CAMTA1: variants seen among roughly 807,000 people sequenced by gnomAD.
CAMTA1 encodes the protein calmodulin-binding transcription activator 1.
In CAMTA1, 27 loss-of-function variants were observed where a neutral mutation model predicts 170.9. The observed-to-expected ratio is 0.16, with a 90% CI of 0.12 to 0.22. The LOEUF is 0.22. Among genes scored for constraint, CAMTA1 ranks in the 10% least tolerant of loss-of-function variants. The probability of loss-of-function intolerance (pLI) is 1.00; values close to 1 mark genes in which losing one functional copy is unlikely to be tolerated. For missense variants in CAMTA1, 1,619 were observed against 2,217.2 expected, an observed-to-expected ratio of 0.73 and a Z score of 5.42; for synonymous variants, 833 against 891.5, an observed-to-expected ratio of 0.93 and a Z score of 1.17.
At chr1:7,183,910 T>G (rs1383392615) in intron 4 of CAMTA1, among the ~76,000 whole-genome samples, 1 of 152,220 alleles carries the variant, frequency 6.6e-6, no homozygotes, top group African/African-American at 2.4e-5. Context: ...ACATCTTTAT[T>G]ATGCCACTGT....
chr1:7,218,379 A>C (rs902683251), intron 4 of CAMTA1, among the ~76,000 whole-genome samples: 1 of 152,100 alleles, frequency 6.6e-6, no homozygotes, highest in African/African-American at 2.4e-5. Context: ...GACCACTTAC[A>C]TCGCCACATT....
chr1:7,343,986 G>A (rs1329211479), intron 5 of CAMTA1, among the ~76,000 whole-genome samples: 1 of 152,224 alleles, frequency 6.6e-6, no homozygotes, highest in African/African-American at 2.4e-5. Context: ...GTTAGAAACA[G>A]CATTGCCCAG....
chr1:6,993,065 T>C (rs999834366), intron 3 of CAMTA1, among the ~76,000 whole-genome samples: 2 of 152,264 alleles, frequency 1.3e-5, no homozygotes, highest in South Asian at 4.1e-4. Context: ...TTTTGGTTTC[T>C]ATTCTTTTCC....
chr1:7,130,377 C>T (rs1239037693), intron 4 of CAMTA1, among the ~76,000 whole-genome samples: 4 of 152,270 alleles, frequency 2.6e-5, no homozygotes, highest in East Asian at 1.9e-4. Context: ...TTCACTTGTT[C>T]GTGCATAGAT....
chr1:6,933,596 T>G (rs1298913538), intron 3 of CAMTA1, among the ~76,000 whole-genome samples: 1 of 152,200 alleles, frequency 6.6e-6, no homozygotes, highest in African/African-American at 2.4e-5. Context: ...TTATAGATTT[T>G]AAAATTTAGG....
chr1:6,863,915 T>G (rs929770854), intron 3 of CAMTA1, among the ~76,000 whole-genome samples: 31 of 152,214 alleles, frequency 2.0e-4, no homozygotes, highest in Non-Finnish European at 3.5e-4. Context: ...ACTGACAGTT[T>G]GTTAGATTTC....
chr1:7,716,919 A>T (rs929027165), intron 11 of CAMTA1, among the ~76,000 whole-genome samples: 1 of 152,226 alleles, frequency 6.6e-6, no homozygotes, highest in Non-Finnish European at 1.5e-5. Flanking sequence ...GTCTGTGTCT[A>T]CAGTGGAGTA....
In CAMTA1 at chr1:7,242,818, C is replaced by T. The variant is rs548655658; in HGVS notation, c.303-6673C>T. On this transcript the variant is annotated intron_variant, in intron 4 of 22. Coordinates refer to ENST00000303635, the MANE Select transcript of CAMTA1 (RefSeq NM_015215.4). Reference sequence around the variant, plus strand: ...AATAAATAAATAAATAAAAATTAGCCGGGCATGGTGGCGGGCGCCTATAGT... The same window carrying T: ...AATAAATAAATAAATAAAAATTAGCTGGGCATGGTGGCGGGCGCCTATAGT... 1.1e-4 allele frequency among the ~76,000 whole-genome samples: 16 copies of T among 142,306 alleles called. 1 individual carries two copies. The highest frequency in any genetic ancestry group is 2.2e-4 in the South Asian group (1 of 4,604). 93.4% of individuals were successfully genotyped at this position (142,306 alleles called of 152,430 possible).
intron 3 of CAMTA1, among the ~76,000 whole-genome samples, chr1:6,916,903 T>C (rs1163490356): frequency 2.0e-5 from 3 of 152,154 alleles, no homozygotes; most frequent in Admixed American, 6.5e-5. Context: ...GCTTCCACTG[T>C]AGGGAGGCGG....
chr1:7,335,431 G>A (rs916179910), intron 5 of CAMTA1, among the ~76,000 whole-genome samples: 2 of 152,180 alleles, frequency 1.3e-5, no homozygotes, highest in South Asian at 2.1e-4. Flanking sequence ...GCCTTGGGAC[G>A]TCAGCAGTCC....
At chr1:7,618,888 C>CTT (rs574508279) in intron 6 of CAMTA1, among the ~76,000 whole-genome samples, 1 of 149,334 alleles carries the variant, frequency 6.7e-6, no homozygotes, top group African/African-American at 2.5e-5. Context: ...TAGAGCCATC[C>CTT]TTTTTTTTTT....
chr1:7,323,471 C>A (rs1219694953), intron 5 of CAMTA1, among the ~76,000 whole-genome samples: 7 of 150,912 alleles, frequency 4.6e-5, no homozygotes, highest in Non-Finnish European at 1.0e-4. Flanking sequence ...GTACTCCCTA[C>A]CCCTAGCCTG....
intron 3 of CAMTA1, among the ~76,000 whole-genome samples, chr1:6,860,711 G>C: frequency 6.6e-6 from 1 of 152,052 alleles, no homozygotes; most frequent in African/African-American, 2.4e-5. Context: ...AGGAGTTCAA[G>C]ACCAGCCTGG....
intron 3 of CAMTA1, among the ~76,000 whole-genome samples, chr1:7,032,901 AT>A (rs2101117070): frequency 6.6e-6 from 1 of 152,212 alleles, no homozygotes; most frequent in South Asian, 2.1e-4. Context: ...TGCTAGCATA[AT>A]TTCTGATGAG....
chr1:7,747,702 C>A lies in CAMTA1; in HGVS notation c.4618-8C>A. The A allele has an allele frequency of 6.3e-7, 1 of 1,585,030 alleles. No individual in the cohort carries two copies. Among genetic ancestry groups the A allele is most frequent in the Non-Finnish European group, 8.6e-7 (1 of 1,167,530 alleles). On this transcript the variant is annotated splice_polypyrimidine_tract_variant and splice_region_variant and intron_variant, in intron 18 of 22. Coordinates refer to ENST00000303635, the MANE Select transcript of CAMTA1 (RefSeq NM_015215.4). ...ACTGATTTTTTTTCTCCTTACTTTA[C>A]CCTTAAGGGCCGACCCTTGCGGGAA...
intron 7 of CAMTA1, 63 bp downstream of exon 7, chr1:7,640,616 G>A: frequency 6.3e-7 from 1 of 1,593,012 alleles, no homozygotes; most frequent in Non-Finnish European, 8.6e-7. Context: ...CAACCAGGCG[G>A]GGCCAGGAAG....
At chr1:7,533,446 A>G (rs1386290993) in intron 6 of CAMTA1, among the ~76,000 whole-genome samples, 2 of 152,220 alleles carry the variant, frequency 1.3e-5, no homozygotes, top group African/African-American at 4.8e-5. Flanking sequence ...TTTATCCCCA[A>G]AGAAGGAACT....
In CAMTA1 at chr1:7,076,508, T is replaced by A. The variant is rs1356588588; in HGVS notation, c.235-14796T>A. Among the ~76,000 whole-genome samples, 13 of 152,218 alleles carry A rather than the reference T, an allele frequency of 8.5e-5. 1 individual carries two copies. Among genetic ancestry groups the A allele is most frequent in the Admixed American group, 8.5e-4 (13 of 15,284 alleles). On this transcript the variant is annotated intron_variant, in intron 3 of 22. Coordinates refer to ENST00000303635, the MANE Select transcript of CAMTA1 (RefSeq NM_015215.4). Reference sequence around the variant, plus strand: ...GAGAAGAGGAATAAGATATCTCTTCTTTTCTTTCTAATAAAATCTGAGGTT... The same window carrying A: ...GAGAAGAGGAATAAGATATCTCTTCATTTCTTTCTAATAAAATCTGAGGTT...
At chr1:7,761,181 T>G (rs927738106) in intron 22 of CAMTA1, among the ~76,000 whole-genome samples, 2 of 152,222 alleles carry the variant, frequency 1.3e-5, no homozygotes, top group Non-Finnish European at 2.9e-5. Context: ...GGGATTGTCT[T>G]TAATGTTAAT....
Sources: gnomAD v4.1 joint callset for allele counts (sites outside exome capture counted in the v4.1 genomes callset) on GRCh38, gnomAD v4.1.1 for gene constraint, MANE v1.5 for transcripts, NCBI Gene and HGNC (gene_info 2026-07-23, HGNC 2026-07-21) for gene names.